Variants in LRRC7 observed in about 807,000 individuals in gnomAD.
LRRC7 encodes the protein leucine-rich repeat-containing protein 7.
A neutral mutation model predicts 175.7 loss-of-function variants in LRRC7; 23 were observed. That is an observed-to-expected ratio of 0.13 (90% confidence interval 0.09 to 0.19). LRRC7 has a LOEUF of 0.19. Among genes scored for constraint, LRRC7 ranks in the 10% least tolerant of loss-of-function variants. The pLI is 1.00. For missense variants in LRRC7, 1,354 were observed against 1,904.7 expected, an observed-to-expected ratio of 0.71 and a Z score of 5.38; for synonymous variants, 685 against 680.9, an observed-to-expected ratio of 1.01 and a Z score of -0.09.
At chr1:70,048,329 C>T (rs1166333799) in intron 22 of LRRC7, among the ~76,000 whole-genome samples, 1 of 152,036 alleles carries the variant, frequency 6.6e-6, no homozygotes, top group Non-Finnish European at 1.5e-5. Flanking sequence ...CCTCAAAGTA[C>T]ATATTTATCT....
At chr1:69,617,284 C>T (rs775511253) in intron 1 of LRRC7, among the ~76,000 whole-genome samples, 2 of 151,806 alleles carry the variant, frequency 1.3e-5, no homozygotes, top group Admixed American at 6.6e-5. Flanking sequence ...TAATGCAAAT[C>T]GAGTCAAATG....
chr1:70,053,285 G>A (rs1325350458), intron 23 of LRRC7, 140 bp downstream of exon 23: 3 of 727,676 alleles, frequency 4.1e-6, no homozygotes, highest in Non-Finnish European at 4.1e-6. Context: ...CACGAGTTTG[G>A]TTGACTGTAA....
rs576864365 is a variant in LRRC7 at position 70,098,599 on chromosome 1, G to C, written c.4545+8780G>C. Among the ~76,000 whole-genome samples, 31 of 151,872 alleles carry C rather than the reference G, an allele frequency of 2.0e-4. No individual in the cohort carries two copies. In the East Asian group the frequency reaches 5.4e-3, roughly 27 times the overall value. The stretch of plus-strand genomic sequence containing the variant: ...CAAGACTAATAAAGAAAAAAAGAGA[G>C]AAGAATCAAATAGATGCAATAAAAA... On this transcript the variant is annotated intron_variant, in intron 25 of 26. Transcript: ENST00000651989.
chr1:69,656,401 C>T (rs1656611401), intron 1 of LRRC7, among the ~76,000 whole-genome samples: 1 of 151,900 alleles, frequency 6.6e-6, no homozygotes, highest in Non-Finnish European at 1.5e-5. Context: ...TTAGCAAGGC[C>T]TGATTAGTGA....
chr1:69,986,003 TAA>T (rs1653904969), intron 9 of LRRC7, among the ~76,000 whole-genome samples: 1 of 152,234 alleles, frequency 6.6e-6, no homozygotes, highest in African/African-American at 2.4e-5. Flanking sequence ...TATAGTGGTA[TAA>T]CCCTATTTAT....
At position 69,994,430 on chromosome 1, in the gene LRRC7, TG is replaced by T. The variant is rs1654738545; in HGVS notation, c.932-130del. The T allele has an allele frequency of 1.4e-4, 98 of 699,086 alleles. 2 individuals are homozygous for T. In the South Asian group the frequency reaches 1.6e-3, roughly 11 times the overall value. The allele number at this position is 699,086 out of a possible 1,614,324, so 43.3% of individuals were successfully genotyped here. On this transcript the variant is annotated intron_variant, in intron 10 of 26. Transcript: ENST00000651989. ...TACACACAAACGTCAGTTTTATGAG[TG>T]TGTATTAGCAGAGTTTGGCCAATTA...
rs538548860 is a variant in LRRC7, at chr1:69,750,296, A to G, written c.101-9895A>G. ...AAACTCTTATTTAGCAATAATGTAT[A>G]TTTTGAAATATTTAAAAGATTTAGA... On this transcript the variant is annotated intron_variant, in intron 2 of 26. Coordinates refer to ENST00000651989, the MANE Select transcript of LRRC7 (RefSeq NM_001370785.2). Among the ~76,000 whole-genome samples the G allele has an allele frequency of 1.3e-4, 20 of 151,988 alleles. 1 individual carries two copies. The East Asian group carries it at 2.9e-3, about 22-fold the overall frequency.
chr1:69,774,498 A>G (rs1672593160), intron 3 of LRRC7, among the ~76,000 whole-genome samples: 1 of 152,214 alleles, frequency 6.6e-6, no homozygotes, highest in South Asian at 2.1e-4. Flanking sequence ...ACTGTACTGT[A>G]TATGAAATTG....
intron 24 of LRRC7, 135 bp downstream of exon 24, chr1:70,076,433 T>C (rs1318411587): frequency 1.5e-5 from 11 of 717,554 alleles, no homozygotes; most frequent in Admixed American, 2.8e-5. Flanking sequence ...GCCCTCTTTG[T>C]GGGGATTTTA....
chr1:69,803,643 T>C (rs1011364176), intron 4 of LRRC7, among the ~76,000 whole-genome samples: 1 of 151,474 alleles, frequency 6.6e-6, no homozygotes, highest in Non-Finnish European at 1.5e-5. Context: ...CAGCAGATTC[T>C]TTTGCGTCTT....
At chr1:70,119,200 A>G (rs982743659) in intron 26 of LRRC7, among the ~76,000 whole-genome samples, 1 of 151,878 alleles carries the variant, frequency 6.6e-6, no homozygotes, top group Non-Finnish European at 1.5e-5. Context: ...CAAGACAAGG[A>G]CTGTGGTCCT....
chr1:69,923,443 A>C (rs1352824251), intron 7 of LRRC7, among the ~76,000 whole-genome samples: 1 of 151,148 alleles, frequency 6.6e-6, no homozygotes, highest in East Asian at 1.9e-4. Flanking sequence ...AACAGTGTAA[A>C]AGTGTTCCTA....
rs747585455 is a variant in LRRC7 at position 70,039,380 on chromosome 1, T to C, written c.3556T>C (p.Tyr1186His). ...AACTGATAGGTACGGCAGACCCCCA[T>C]ATAGGGGAGGGCTGGATCGCCAAAG... ...PPTDRYGRPP[Y>H]RGGLDRQSSV... Residue 1186 changes from tyrosine (Y) to histidine (H), a missense_variant, in exon 21 of 27, where the codon TAT becomes CAT. Physicochemically the swap from Tyr to His is moderately conservative, Grantham distance 83. Transcript: ENST00000651989. 4.3e-6 allele frequency: 7 copies of C among 1,613,852 alleles called. No homozygotes were observed. The highest frequency in any genetic ancestry group is 5.1e-6 in the Non-Finnish European group (6 of 1,179,946).
intron 7 of LRRC7, among the ~76,000 whole-genome samples, chr1:69,927,118 G>T (rs938574978): frequency 5.9e-5 from 9 of 152,286 alleles, no homozygotes; most frequent in African/African-American, 2.2e-4. Flanking sequence ...TTTCCTTTAA[G>T]AATGTTGAAT....
chr1:69,837,782 A>G (rs1016488558), intron 6 of LRRC7, among the ~76,000 whole-genome samples: 1 of 151,698 alleles, frequency 6.6e-6, no homozygotes, highest in Non-Finnish European at 1.5e-5. Context: ...TAGGAAAATG[A>G]TATTTGTCAT....
chr1:69,925,076 G>C (rs1432066464), intron 7 of LRRC7, among the ~76,000 whole-genome samples: 2 of 151,970 alleles, frequency 1.3e-5, no homozygotes, highest in African/African-American at 4.8e-5. Context: ...TTTTGTCTTT[G>C]GTTCTGTTTA....
intron 7 of LRRC7, among the ~76,000 whole-genome samples, chr1:69,847,879 C>T (rs998409152): frequency 6.6e-6 from 1 of 152,132 alleles, no homozygotes; most frequent in African/African-American, 2.4e-5. Context: ...AGAATGACTG[C>T]TCACAGCTTT....
intron 1 of LRRC7, among the ~76,000 whole-genome samples, chr1:69,655,383 G>A (rs1656459980): frequency 1.4e-5 from 2 of 147,152 alleles, no homozygotes; most frequent in South Asian, 4.4e-4. Flanking sequence ...TAGCAATTTG[G>A]CTCTTGTCTT....
chr1:69,923,342 A>T (rs1329570690), intron 7 of LRRC7, among the ~76,000 whole-genome samples: 1 of 152,186 alleles, frequency 6.6e-6, no homozygotes, highest in Non-Finnish European at 1.5e-5. Flanking sequence ...CAGTAATGGG[A>T]TGGCTGGGTC....
Sources: gnomAD v4.1 joint callset for allele counts (sites outside exome capture counted in the v4.1 genomes callset) on GRCh38, gnomAD v4.1.1 for gene constraint, MANE v1.5 for transcripts, NCBI Gene and HGNC (gene_info 2026-07-23, HGNC 2026-07-21) for gene names.